ARID4A: variants seen among roughly 807,000 people sequenced by gnomAD.
The protein encoded by ARID4A is AT-rich interaction domain 4A, also known as AT-rich interactive domain-containing protein 4A.
ARID4A carries 39 observed loss-of-function variants against 148.6 expected under a neutral mutation model. The observed-to-expected ratio is 0.26, with a 90% confidence interval of 0.20 to 0.34. The LOEUF is 0.34. ARID4A is among the 10% of genes least tolerant of loss of function. The pLI, the probability that ARID4A is intolerant of heterozygous loss-of-function variation, is 1.00. For synonymous variants in ARID4A, 475 were observed against 481.2 expected (o/e 0.99, Z 0.17); for missense variants, 1,265 against 1,449.1 (o/e 0.87, Z 2.06).
intron 3 of ARID4A, 93 bp downstream of exon 3, chr14:58,301,783 T>A: frequency 1.2e-6 from 1 of 852,868 alleles, no homozygotes; most frequent in Non-Finnish European, 1.8e-6. Context: ...ATTGAGTCAT[T>A]ATATGAAAAC....
chr14:58,371,891 C>T lies in ARID4A; in HGVS notation c.3676C>T (p.His1226Tyr). The change falls in exon 24 of 24, where the codon CAT becomes TAT. Residue 1226 changes from histidine (H) to tyrosine (Y), a missense_variant. Around this residue, in one of 9 missense-constraint regions of ARID4A, gnomAD observed 666 missense variants for 730.9 expected, o/e 0.91. Transcript: ENST00000355431. ...TAGTTGTTTTGATTCCACAGTGTCT[C>T]ATGCGGGAGCCTCCATGTCATCTGC... Reference protein sequence around the residue: ...RLKKKDREVSHAGASMSSASS... With the variant: ...RLKKKDREVSYAGASMSSASS... 1 of 1,612,508 alleles carries T rather than the reference C, an allele frequency of 6.2e-7. No homozygotes were observed. The highest frequency in any genetic ancestry group is 1.3e-5 in the African/African-American group (1 of 75,034).
rs373305706 is a variant in ARID4A at position 58,366,854 on chromosome 14, T to C, written c.3524-29T>C. ...TTTTTCTCACAGAATTATTTTAAAA[T>C]CCAAATTAACTTCTTTCCCCCCTTT... On this transcript the variant is annotated intron_variant, in intron 22 of 23. Coordinates refer to ENST00000355431, the MANE Select transcript of ARID4A (RefSeq NM_002892.4). The C allele has an allele frequency of 2.7e-6, 4 of 1,455,508 alleles. No individual in the cohort carries two copies. The African/African-American group carries it at 6.0e-5, about 22-fold the overall frequency. The allele number at this position is 1,455,508 out of a possible 1,614,324, so 90.2% of individuals were successfully genotyped here.
At chr14:58,368,527 A>G (rs773386710) in intron 23 of ARID4A, among the ~76,000 whole-genome samples, 92 of 152,334 alleles carry the variant, frequency 6.0e-4, no homozygotes, top group Non-Finnish European at 1.2e-3. Context: ...GGCAGAAGCC[A>G]AAGTAGAAAA....
intron 16 of ARID4A, among the ~76,000 whole-genome samples, chr14:58,352,349 T>C (rs562356967): frequency 1.3e-5 from 2 of 152,222 alleles, no homozygotes; most frequent in South Asian, 4.1e-4. Context: ...TTAGGAAAAG[T>C]AGGAGGAACT....
rs1438625920 is a variant in ARID4A, at chr14:58,351,092, G to A, written c.1424G>A (p.Arg475Gln). 8 of 1,596,402 alleles carry A rather than the reference G, an allele frequency of 5.0e-6. No individual in the cohort carries two copies. The highest frequency in any genetic ancestry group is 1.4e-5 in the African/African-American group (1 of 73,434). ...KSPRGRRRIA[R>Q]DVNSIKKEIE... ...TACTAGGGACGAAGGAGAATTGCTC[G>A]AGATGTAAATTCTATTAAAAAGGAA... Residue 475 changes from arginine (R) to glutamine (Q), a missense_variant, in exon 16 of 24, where the codon CGA becomes CAA. Around this residue, in one of 9 missense-constraint regions of ARID4A, gnomAD observed 205 missense variants for 196.9 expected, o/e 1.04. Coordinates refer to ENST00000355431, the MANE Select transcript of ARID4A (RefSeq NM_002892.4).
At chr14:58,319,771 G>T (rs990888401) in intron 7 of ARID4A, among the ~76,000 whole-genome samples, 10 of 150,928 alleles carry the variant, frequency 6.6e-5, no homozygotes, top group African/African-American at 2.2e-4. Flanking sequence ...TCGAACTCCT[G>T]ACGTCAAGTG....
At chr14:58,363,785 C>T (rs2035234900) in intron 19 of ARID4A, among the ~76,000 whole-genome samples, 1 of 152,080 alleles carries the variant, frequency 6.6e-6, no homozygotes, top group Non-Finnish European at 1.5e-5. Flanking sequence ...TACAAAATGC[C>T]CATCATCTGT....
At chr14:58,357,301 G>C (rs904432731) in intron 17 of ARID4A, among the ~76,000 whole-genome samples, 1 of 152,190 alleles carries the variant, frequency 6.6e-6, no homozygotes, top group Admixed American at 6.5e-5. Context: ...TTTTCAATTT[G>C]TGATGAGTTT....
intron 17 of ARID4A, among the ~76,000 whole-genome samples, chr14:58,355,183 G>T (rs1394165672): frequency 6.6e-6 from 1 of 152,148 alleles, no homozygotes; most frequent in African/African-American, 2.4e-5. Flanking sequence ...TTTATTTGGA[G>T]CCAGACTGCT....
At chr14:58,367,192 T>A (rs1344320801) in intron 23 of ARID4A, among the ~76,000 whole-genome samples, 163 bp downstream of exon 23, 1 of 152,228 alleles carries the variant, frequency 6.6e-6, no homozygotes, top group East Asian at 1.9e-4. Context: ...AGCAACTGAG[T>A]TAATCAGAAT....
At chr14:58,319,699 C>T (rs549313020) in intron 7 of ARID4A, among the ~76,000 whole-genome samples, 2 of 150,212 alleles carry the variant, frequency 1.3e-5, no homozygotes, top group Non-Finnish European at 3.0e-5. Context: ...CACACCATCA[C>T]GCCTGGCTAG....
intron 5 of ARID4A, among the ~76,000 whole-genome samples, chr14:58,307,873 A>G (rs1231740810): frequency 6.6e-6 from 1 of 152,204 alleles, no homozygotes; most frequent in East Asian, 1.9e-4. Flanking sequence ...AAGTAAATAC[A>G]TCTTTGCTTT....
intron 15 of ARID4A, among the ~76,000 whole-genome samples, chr14:58,349,248 C>T (rs2034518897): frequency 6.6e-6 from 1 of 152,104 alleles, no homozygotes; most frequent in South Asian, 2.1e-4. Context: ...CTTTTCATTA[C>T]CTAAAAACCT....
chr14:58,322,066 G>A (rs1051385185), intron 7 of ARID4A, among the ~76,000 whole-genome samples: 2 of 151,886 alleles, frequency 1.3e-5, no homozygotes, highest in African/African-American at 4.8e-5. Context: ...TGCCTCCCAG[G>A]TTCAAGTGAT....
chr14:58,341,769 A>G (rs2034129194), intron 11 of ARID4A, among the ~76,000 whole-genome samples: 1 of 152,188 alleles, frequency 6.6e-6, no homozygotes, highest in African/African-American at 2.4e-5. Context: ...ATATACTAAT[A>G]CTAACTAAAA....
In ARID4A at chr14:58,299,968, C is replaced by T. The variant is rs1019933151; in HGVS notation, c.6+108C>T. 4.7e-6 allele frequency: 7 copies of T among 1,492,174 alleles called. No individual in the cohort carries two copies. In the South Asian group the frequency reaches 7.9e-5, roughly 17 times the overall value. The allele number at this position is 1,492,174 out of a possible 1,614,324, so 92.4% of individuals were successfully genotyped here. Reference sequence around the variant, plus strand: ...TTGCTACTCAAAATTGATGTTCCTACTGATCAGCAGTTTCGGCATAGGAGG... The same window carrying T: ...TTGCTACTCAAAATTGATGTTCCTATTGATCAGCAGTTTCGGCATAGGAGG... On this transcript the variant is annotated intron_variant, in intron 2 of 23. Transcript: ENST00000355431.
At position 58,350,755 on chromosome 14, in the gene ARID4A, G is replaced by A. The variant is rs182138552; in HGVS notation, c.1405-318G>A. 2.2e-4 allele frequency among the ~76,000 whole-genome samples: 33 copies of A among 152,260 alleles called. No homozygotes were observed. The South Asian group carries it at 5.0e-3, about 23-fold the overall frequency. On this transcript the variant is annotated intron_variant, in intron 15 of 23. Coordinates refer to ENST00000355431, the MANE Select transcript of ARID4A (RefSeq NM_002892.4). Reference sequence around the variant, plus strand: ...ATTATAGTCGAGAAATAATAAAAGTGAGATAAAATGATGTAGTAAACAAAG... The same window carrying A: ...ATTATAGTCGAGAAATAATAAAAGTAAGATAAAATGATGTAGTAAACAAAG...
At chr14:58,367,404 G>T (rs943568340) in intron 23 of ARID4A, among the ~76,000 whole-genome samples, 1 of 152,232 alleles carries the variant, frequency 6.6e-6, no homozygotes, top group African/African-American at 2.4e-5. Flanking sequence ...AGATTATCTT[G>T]TTGGGATTAT....
At chr14:58,337,577 G>A (rs1411925439) in intron 11 of ARID4A, among the ~76,000 whole-genome samples, 2 of 152,082 alleles carry the variant, frequency 1.3e-5, no homozygotes, top group Non-Finnish European at 2.9e-5. Context: ...TAAGGGATAA[G>A]ATATCTAACT....
Sources: gnomAD v4.1 joint callset for allele counts (sites outside exome capture counted in the v4.1 genomes callset) on GRCh38, gnomAD v4.1.1 for gene constraint, gnomAD v4.1.1 regional missense constraint, MANE v1.5 for transcripts, NCBI Gene and HGNC (gene_info 2026-07-23, HGNC 2026-07-21) for gene names.